Variants in RGS7 observed in about 807,000 individuals in gnomAD.
RGS7 encodes regulator of G protein signaling 7, also known as regulator of G-protein signaling 7.
In RGS7, 27 loss-of-function variants were observed where a neutral mutation model predicts 81.1. That is an observed-to-expected ratio of 0.33 (90% CI 0.25 to 0.46). The LOEUF is 0.46. Ranked by LOEUF, RGS7 falls within the 20% of genes least tolerant of loss-of-function variation. RGS7 has a pLI of 1.00. For missense variants in RGS7, 396 were observed against 607.4 expected, an observed-to-expected ratio of 0.65 and a Z score of 3.66; for synonymous variants, 208 against 207.7, an observed-to-expected ratio of 1.00 and a Z score of -0.01.
At chr1:241,208,231 G>A (rs1368613586) in intron 2 of RGS7, among the ~76,000 whole-genome samples, 3 of 152,076 alleles carry the variant, frequency 2.0e-5, no homozygotes, top group Non-Finnish European at 4.4e-5. Flanking sequence ...AAAATAGAAA[G>A]AGTAGTAATT....
At chr1:240,860,735 G>C (rs755951703) in intron 9 of RGS7, among the ~76,000 whole-genome samples, 9 of 152,100 alleles carry the variant, frequency 5.9e-5, no homozygotes, top group Non-Finnish European at 1.0e-4. Flanking sequence ...CACTCTCTAT[G>C]CCTTCCTCTA....
chr1:241,166,259 G>A (rs1230583691), intron 2 of RGS7, among the ~76,000 whole-genome samples: 1 of 152,208 alleles, frequency 6.6e-6, no homozygotes, highest in Non-Finnish European at 1.5e-5. Context: ...ACATTTTAGG[G>A]AGAAGCGGCA....
chr1:241,216,393 G>A (rs1272965294), intron 2 of RGS7, among the ~76,000 whole-genome samples: 1 of 152,170 alleles, frequency 6.6e-6, no homozygotes, highest in African/African-American at 2.4e-5. Flanking sequence ...CTGAATGATT[G>A]TAACTAAGTT....
At chr1:241,180,648 TTACTC>T (rs2103308829) in intron 2 of RGS7, among the ~76,000 whole-genome samples, 1 of 152,324 alleles carries the variant, frequency 6.6e-6, no homozygotes, top group African/African-American at 2.4e-5. Flanking sequence ...ATCCCTGTAA[TTACTC>T]TTCTATTATA....
At chr1:241,235,596 C>T (rs1401409037) in intron 2 of RGS7, among the ~76,000 whole-genome samples, 1 of 105,640 alleles carries the variant, frequency 9.5e-6, no homozygotes, top group Non-Finnish European at 2.1e-5. Flanking sequence ...TTTCTTTCTT[C>T]CTTTATTTTT....
chr1:241,023,874 T>C (rs1295941622), intron 3 of RGS7, among the ~76,000 whole-genome samples: 1 of 152,090 alleles, frequency 6.6e-6, no homozygotes, highest in African/African-American at 2.4e-5. Flanking sequence ...ACCTCCCGAG[T>C]AGTTGGGATT....
intron 3 of RGS7, among the ~76,000 whole-genome samples, chr1:241,041,202 T>C (rs2060596825): frequency 6.6e-6 from 1 of 152,226 alleles, no homozygotes; most frequent in Non-Finnish European, 1.5e-5. Context: ...TTATTATTTT[T>C]ATTGCTTCAA....
At chr1:241,072,433 C>A (rs2062526935) in intron 3 of RGS7, among the ~76,000 whole-genome samples, 2 of 152,126 alleles carry the variant, frequency 1.3e-5, no homozygotes, top group African/African-American at 4.8e-5. Flanking sequence ...GCTCTGTGTC[C>A]TGCCGAAGGT....
At chr1:240,790,280 T>G (rs1183385525) in intron 18 of RGS7, among the ~76,000 whole-genome samples, 2 of 151,918 alleles carry the variant, frequency 1.3e-5, no homozygotes, top group Non-Finnish European at 2.9e-5. Context: ...AGGAAAGAAA[T>G]AAAAAAATAA....
At chr1:241,179,681 A>G (rs1160354835) in intron 2 of RGS7, among the ~76,000 whole-genome samples, 1 of 152,218 alleles carries the variant, frequency 6.6e-6, no homozygotes, top group Non-Finnish European at 1.5e-5. Context: ...GGGAAATGTA[A>G]TAATACCCAG....
intron 2 of RGS7, among the ~76,000 whole-genome samples, chr1:241,342,714 T>C (rs890552251): frequency 1.3e-5 from 2 of 152,204 alleles, no homozygotes; most frequent in African/African-American, 4.8e-5. Context: ...GACCTGCCTT[T>C]TAAAGCTGAT....
intron 9 of RGS7, among the ~76,000 whole-genome samples, chr1:240,866,757 AGG>A (rs543935716): frequency 1.2e-4 from 18 of 152,286 alleles, no homozygotes; most frequent in African/African-American, 4.3e-4. Flanking sequence ...AGGCACACAA[AGG>A]GCTAAGGCAA....
intron 3 of RGS7, among the ~76,000 whole-genome samples, chr1:241,076,033 G>A (rs1439645850): frequency 2.6e-5 from 4 of 152,218 alleles, no homozygotes; most frequent in Admixed American, 6.5e-5. Context: ...CAATTTTCAG[G>A]TTCCAACTTG....
intron 2 of RGS7, among the ~76,000 whole-genome samples, chr1:241,291,851 G>C (rs1340161901): frequency 2.0e-5 from 3 of 152,138 alleles, no homozygotes; most frequent in Non-Finnish European, 4.4e-5. Context: ...TGGGATTACA[G>C]GCGTGAGCCA....
intron 6 of RGS7, among the ~76,000 whole-genome samples, chr1:240,883,775 T>A (rs1210812124): frequency 1.3e-5 from 2 of 152,116 alleles, no homozygotes; most frequent in Admixed American, 6.5e-5. Flanking sequence ...TGGTTGACAA[T>A]CTTGCTATTT....
At chr1:240,861,875 C>T (rs937849268) in intron 9 of RGS7, among the ~76,000 whole-genome samples, 1 of 152,116 alleles carries the variant, frequency 6.6e-6, no homozygotes, top group African/African-American at 2.4e-5. Flanking sequence ...GTTTCTTCAG[C>T]ACTTTGACAA....
At chr1:241,086,397 T>C (rs979142372) in intron 3 of RGS7, among the ~76,000 whole-genome samples, 2 of 152,150 alleles carry the variant, frequency 1.3e-5, no homozygotes, top group African/African-American at 4.8e-5. Context: ...TTAACTCACC[T>C]GCCCCCCTCA....
intron 3 of RGS7, among the ~76,000 whole-genome samples, chr1:241,032,652 AATTTCT>A (rs541854222): frequency 7.4e-4 from 113 of 152,140 alleles, no homozygotes; most frequent in Non-Finnish European, 4.7e-4. Flanking sequence ...TACTTGTGTC[AATTTCT>A]TTCATCAGTG....
chr1:240,796,175 G>A (rs1687036623), intron 18 of RGS7, among the ~76,000 whole-genome samples: 1 of 152,096 alleles, frequency 6.6e-6, no homozygotes, highest in Non-Finnish European at 1.5e-5. Flanking sequence ...CTTGGCCCAG[G>A]CTCTTTTTAC....
Sources: gnomAD v4.1 joint callset for allele counts (sites outside exome capture counted in the v4.1 genomes callset) on GRCh38, gnomAD v4.1.1 for gene constraint, MANE v1.5 for transcripts, NCBI Gene and HGNC (gene_info 2026-07-23, HGNC 2026-07-21) for gene names.